Variants in RBBP4 observed in about 807,000 individuals in gnomAD.
RBBP4 encodes the protein histone-binding protein RBBP4.
A neutral mutation model predicts 57.2 loss-of-function variants in RBBP4; 3 were observed. The ratio of observed to expected loss-of-function variants is 0.05; its 90% CI spans 0.02 to 0.14. The LOEUF is 0.14. Ranked by LOEUF, RBBP4 falls within the 10% of genes least tolerant of loss-of-function variation. RBBP4 has a pLI of 1.00. For missense variants in RBBP4, 107 were observed against 520.6 expected, an observed-to-expected ratio of 0.21 and a Z score of 7.73; for synonymous variants, 151 against 171.5, an observed-to-expected ratio of 0.88 and a Z score of 0.93.
At position 32,680,122 on chromosome 1, in the gene RBBP4, A is replaced by G. The variant is rs1436559945; in HGVS notation, c.*417A>G. On this transcript the variant is annotated 3_prime_UTR_variant, in exon 12 of 12. Coordinates refer to ENST00000373493, the MANE Select transcript of RBBP4 (RefSeq NM_005610.3). ...GAAAGATGTCACTTTTATTCAGGAAATAGGGGGAGATTCAAGTCATATAGA... is the reference window on the plus strand; with the variant it reads ...GAAAGATGTCACTTTTATTCAGGAAGTAGGGGGAGATTCAAGTCATATAGA... 2 of 1,067,774 alleles carry G rather than the reference A, an allele frequency of 1.9e-6. No homozygotes were observed. Among genetic ancestry groups the G allele is most frequent in the Non-Finnish European group, 2.3e-6 (2 of 884,256 alleles). The allele number at this position is 1,067,774 out of a possible 1,614,324, so 66.1% of individuals were successfully genotyped here. A position where few individuals can be genotyped will look rare whatever the true frequency, so the allele number is the denominator to read the frequency against.
chr1:32,684,222 G>GTA lies in RBBP4; in HGVS notation c.*4519_*4520dup. The GTA allele has an allele frequency of 6.2e-7, 1 of 1,613,582 alleles. No homozygotes were observed. The highest frequency in any genetic ancestry group is 1.3e-5 in the African/African-American group (1 of 75,042). ...AGCCCTCCCACCATCCCCTCAGCCA[G>GTA]TATTAGATGAGATTTGTATAGCAGC... On this transcript the variant is annotated 3_prime_UTR_variant, in exon 12 of 12. Transcript: ENST00000373493.
Position 32,681,065 on chromosome 1 carries a change from C to T in RBBP4, c.*1360C>T, listed in dbSNP as rs1366133458. ...CTTTACTTAGGTTAGAAATAATAGG[C>T]TTTGAAGGCCTCTATCACCAGATGC... On this transcript the variant is annotated 3_prime_UTR_variant, in exon 12 of 12. Transcript: ENST00000373493. The T allele has an allele frequency of 1.3e-5, 2 of 152,774 alleles. No homozygotes were observed. Among genetic ancestry groups the T allele is most frequent in the African/African-American group, 4.8e-5 (2 of 41,440 alleles). The allele number at this position is 152,774 out of a possible 1,614,324, so 9.5% of individuals were successfully genotyped here.
At chr1:32,660,163 G>T (rs1195301302) in intron 3 of RBBP4, among the ~76,000 whole-genome samples, 2 of 152,072 alleles carry the variant, frequency 1.3e-5, no homozygotes, top group Non-Finnish European at 2.9e-5. Context: ...TTCATATAAG[G>T]TAAATTATAC....
At chr1:32,659,390 G>A (rs1648303078) in intron 3 of RBBP4, among the ~76,000 whole-genome samples, 1 of 151,694 alleles carries the variant, frequency 6.6e-6, no homozygotes, top group Non-Finnish European at 1.5e-5. Context: ...GTGAAACCCT[G>A]TCTCTACTAA....
chr1:32,684,051 G>C lies in RBBP4; in HGVS notation c.*4346G>C. On this transcript the variant is annotated 3_prime_UTR_variant, in exon 12 of 12. Transcript: ENST00000373493. ...CATTCCACCTGCCTGAGAAGTGGGA[G>C]CATCAGCCTGTTCCAGGCTCTTGGG... The C allele has an allele frequency of 1.2e-6, 2 of 1,614,214 alleles. No homozygotes were observed. The highest frequency in any genetic ancestry group is 8.5e-7 in the Non-Finnish European group (1 of 1,180,036).
chr1:32,668,408 CT>C lies in RBBP4; in HGVS notation c.484+14del, dbSNP rs1648741975. 1.3e-6 allele frequency: 2 copies of C among 1,564,870 alleles called. No individual in the cohort carries two copies. Among genetic ancestry groups the C allele is most frequent in the African/African-American group, 1.4e-5 (1 of 73,678 alleles). On this transcript the variant is annotated intron_variant, in intron 4 of 11. Transcript: ENST00000373493. ...CATCCTTCTAAACCAGGTATGTGCC[CT>C]TTTCTATTCAAATACAAATGAGTCA... is the stretch of plus-strand genomic sequence containing the variant.
chr1:32,657,333 G>A (rs1648189157), intron 2 of RBBP4, 94 bp from the exon 3 acceptor site: 1 of 1,240,958 alleles, frequency 8.1e-7, no homozygotes, highest in Admixed American at 2.2e-5. Flanking sequence ...TTAAAACCTG[G>A]TTGTATTAGT....
Position 32,652,071 on chromosome 1 carries a change from C to G in RBBP4, c.164+10C>G. The G allele has an allele frequency of 1.2e-6, 2 of 1,603,720 alleles. No individual in the cohort carries two copies. Among genetic ancestry groups the G allele is most frequent in the Non-Finnish European group, 1.7e-6 (2 of 1,174,996 alleles). On this transcript the variant is annotated intron_variant, in intron 2 of 11. Transcript: ENST00000373493. ...TTCCAGATGTAACCAGGTGACATGA[C>G]TCTCCCGAACGTTATTTTGATGTAT...
At position 32,681,885 on chromosome 1, in the gene RBBP4, A is replaced by G. The variant is rs778806945; in HGVS notation, c.*2180A>G. On this transcript the variant is annotated 3_prime_UTR_variant, in exon 12 of 12. Transcript: ENST00000373493. Reference sequence around the variant, plus strand: ...CCTGTAAAGTTGAAAGAAAAAGTTTATAACAGTGAACTTCTGAGGTTTAGT... The same window carrying G: ...CCTGTAAAGTTGAAAGAAAAAGTTTGTAACAGTGAACTTCTGAGGTTTAGT... 1.2e-5 allele frequency: 20 copies of G among 1,605,434 alleles called. No homozygotes were observed. The highest frequency in any genetic ancestry group is 1.1e-4 in the East Asian group (5 of 44,836).
intron 2 of RBBP4, among the ~76,000 whole-genome samples, chr1:32,654,119 T>A: frequency 6.6e-6 from 1 of 152,122 alleles, no homozygotes; most frequent in East Asian, 1.9e-4. Context: ...ACACGTGTAA[T>A]CCCAGCACTT....
intron 3 of RBBP4, among the ~76,000 whole-genome samples, chr1:32,661,869 A>C (rs428186): frequency 4.2e-4 from 22 of 52,802 alleles, no homozygotes; most frequent in South Asian, 2.1e-3. Context: ...TCCTTTGCCC[A>C]CTTTTTTTTT....
chr1:32,651,680 C>A, intron 1 of RBBP4: 1 of 744,128 alleles, frequency 1.3e-6, no homozygotes, highest in Non-Finnish European at 2.1e-6. Context: ...CACGAGCGTG[C>A]TCCGAAGGCC....
intron 3 of RBBP4, 80 bp from the exon 4 acceptor site, chr1:32,668,144 TC>T (rs1458058327): frequency 4.5e-6 from 6 of 1,326,964 alleles, no homozygotes; most frequent in East Asian, 2.4e-5. Context: ...GGAAAAAAAA[TC>T]CTTTCCTGTG....
chr1:32,654,708 C>T (rs1648055438), intron 2 of RBBP4, among the ~76,000 whole-genome samples: 1 of 152,086 alleles, frequency 6.6e-6, no homozygotes, highest in Non-Finnish European at 1.5e-5. Flanking sequence ...TGTTTTGAGA[C>T]GGAGGACGGA....
chr1:32,659,585 A>C (rs1305982123), intron 3 of RBBP4, among the ~76,000 whole-genome samples: 1 of 149,580 alleles, frequency 6.7e-6, no homozygotes. Flanking sequence ...CAAAAGAAAA[A>C]CCTTTCCCCT....
In RBBP4 at chr1:32,679,892, G is replaced by A. The variant is rs569436610; in HGVS notation, c.*187G>A. 1.9e-5 allele frequency: 25 copies of A among 1,306,348 alleles called. No individual in the cohort carries two copies. Among genetic ancestry groups the A allele is most frequent in the South Asian group, 2.3e-5 (1 of 42,688 alleles). 80.9% of individuals were successfully genotyped at this position (1,306,348 alleles called of 1,614,324 possible). On this transcript the variant is annotated 3_prime_UTR_variant, in exon 12 of 12. Transcript: ENST00000373493. ...TAATAGGGGGGCTTGATTCAACAAA[G>A]CCACAGACTTAACGTTGAAATTTTC...
chr1:32,665,400 C>T (rs572601742), intron 3 of RBBP4, among the ~76,000 whole-genome samples: 1 of 152,142 alleles, frequency 6.6e-6, no homozygotes, highest in African/African-American at 2.4e-5. Flanking sequence ...ACACTAGGCC[C>T]GGCCCAGTGG....
In RBBP4 at chr1:32,681,705, A is replaced by T; in HGVS notation, c.*2000A>T. ...TAGAATCTTTTTAAGCAGGTCAGCCAGTATTTGCAACTTCCACAGGATGAA... is the reference window on the plus strand; with the variant it reads ...TAGAATCTTTTTAAGCAGGTCAGCCTGTATTTGCAACTTCCACAGGATGAA... On this transcript the variant is annotated 3_prime_UTR_variant, in exon 12 of 12. Transcript: ENST00000373493. 1 of 1,287,776 alleles carries T rather than the reference A, an allele frequency of 7.8e-7. No individual in the cohort carries two copies. Among genetic ancestry groups the T allele is most frequent in the Non-Finnish European group, 1.1e-6 (1 of 897,604 alleles). 79.8% of individuals were successfully genotyped at this position (1,287,776 alleles called of 1,614,324 possible).
intron 3 of RBBP4, among the ~76,000 whole-genome samples, chr1:32,662,800 G>A (rs966671370): frequency 2.6e-5 from 4 of 151,392 alleles, no homozygotes; most frequent in Non-Finnish European, 2.9e-5. Context: ...CTTGGCCAAC[G>A]TGGTGAAACC....
Sources: allele counts gnomAD v4.1 joint callset (sites outside exome capture counted in the v4.1 genomes callset), GRCh38; gene constraint gnomAD v4.1.1; transcripts MANE v1.5; gene names NCBI Gene and HGNC (gene_info 2026-07-23, HGNC 2026-07-21).